The following XYLT1 variants were observed in gnomAD, a reference collection of about 807,000 sequenced individuals.
The protein encoded by XYLT1 is beta-D-xylosyltransferase 1.
Under a neutral mutation model 91.3 loss-of-function variants are expected in XYLT1, and 36 were observed. The observed-to-expected ratio is 0.39, with a 90% CI of 0.30 to 0.52. The LOEUF is 0.52. Ranked by LOEUF, XYLT1 falls within the 20% of genes least tolerant of loss-of-function variation. The pLI is 0.68. For missense variants in XYLT1, 1,242 were observed against 1,284.5 expected, an observed-to-expected ratio of 0.97 and a Z score of 0.51; for synonymous variants, 588 against 532.0, an observed-to-expected ratio of 1.11 and a Z score of -1.45.
chr16:17,140,933 G>C (rs886635994), intron 7 of XYLT1, among the ~76,000 whole-genome samples: 3 of 152,194 alleles, frequency 2.0e-5, no homozygotes, highest in Admixed American at 6.5e-5. Flanking sequence ...CAAAGACACT[G>C]TGTGGACTGC....
chr16:17,260,722 G>A (rs1159069464), intron 2 of XYLT1, among the ~76,000 whole-genome samples: 1 of 152,186 alleles, frequency 6.6e-6, no homozygotes, highest in Non-Finnish European at 1.5e-5. Context: ...TTTGTGTATT[G>A]TCCATGGCTG....
At chr16:17,138,117 T>TAATAATG in intron 8 of XYLT1, 1 of 465,596 alleles carries the variant, frequency 2.1e-6, no homozygotes, top group Non-Finnish European at 3.8e-6. Context: ...TAAAATGGAA[T>TAATAATG]AATAATGAAA....
intron 3 of XYLT1, among the ~76,000 whole-genome samples, chr16:17,219,895 G>A (rs146844815): frequency 6.6e-6 from 1 of 152,304 alleles, no homozygotes; most frequent in African/African-American, 2.4e-5. Flanking sequence ...GCAGGGCGTG[G>A]TGGTGCATGC....
chr16:17,172,983 AC>A (rs2031859638), intron 5 of XYLT1, among the ~76,000 whole-genome samples: 1 of 152,114 alleles, frequency 6.6e-6, no homozygotes, highest in Admixed American at 6.5e-5. Flanking sequence ...CAGGGGCAAT[AC>A]CTTAGTCCTG....
chr16:17,126,045 C>T (rs2030250238), intron 10 of XYLT1, among the ~76,000 whole-genome samples: 1 of 152,204 alleles, frequency 6.6e-6, no homozygotes, highest in African/African-American at 2.4e-5. Flanking sequence ...CAGAGTGGTC[C>T]TGTAGTTCTT....
intron 2 of XYLT1, among the ~76,000 whole-genome samples, chr16:17,279,778 A>C (rs1232359758): frequency 2.0e-5 from 3 of 152,214 alleles, no homozygotes; most frequent in East Asian, 3.8e-4. Flanking sequence ...AATTACAGCC[A>C]AGGCAAAATG....
chr16:17,190,494 T>C (rs762605570), intron 5 of XYLT1, among the ~76,000 whole-genome samples: 4 of 137,152 alleles, frequency 2.9e-5, no homozygotes, highest in Non-Finnish European at 6.1e-5. Context: ...CCACCCTGTG[T>C]CCAAGTGTTC....
At chr16:17,464,702 T>A (rs987594012) in intron 1 of XYLT1, among the ~76,000 whole-genome samples, 11 of 152,284 alleles carry the variant, frequency 7.2e-5, no homozygotes, top group African/African-American at 2.2e-4. Flanking sequence ...ATAACTGCCA[T>A]GCAGTCATTA....
intron 1 of XYLT1, among the ~76,000 whole-genome samples, chr16:17,361,738 T>C (rs898438514): frequency 5.9e-5 from 9 of 152,208 alleles, no homozygotes; most frequent in African/African-American, 2.2e-4. Context: ...CAACACAACA[T>C]GACAGGAAAT....
Position 17,285,015 on chromosome 16 carries a change from T to C in XYLT1, c.403-25517A>G, listed in dbSNP as rs1217689382. Among the ~76,000 whole-genome samples the C allele has an allele frequency of 2.0e-5, 3 of 152,258 alleles. No homozygotes were observed. The East Asian group carries it at 5.8e-4, about 29-fold the overall frequency. On this transcript the variant is annotated intron_variant, in intron 2 of 11. Coordinates refer to ENST00000261381, the MANE Select transcript of XYLT1 (RefSeq NM_022166.4). ...AGGAGAGCATGCCAGATCTGACTGA[T>C]GGATCCTGGAAGAGCCCACTCACCC...
intron 5 of XYLT1, chr16:17,192,882 G>T (rs1411339843): frequency 1.4e-5 from 2 of 146,940 alleles, no homozygotes; most frequent in African/African-American, 5.1e-5. Flanking sequence ...GTACGATCTC[G>T]GCTCATTGCA....
Position 17,165,766 on chromosome 16 carries a change from TC to T in XYLT1, c.1290-6858del, listed in dbSNP as rs572524965. Among the ~76,000 whole-genome samples, 210 of 152,274 alleles carry T rather than the reference TC, an allele frequency of 1.4e-3. 1 individual carries two copies. The highest frequency in any genetic ancestry group is 4.8e-3 in the African/African-American group (200 of 41,568). Reference sequence around the variant, plus strand: ...GGACACTTAGGTCATTTCCATTTTCTCCCCCTTACAACTACTGCTCCATTGA... The same window carrying T: ...GGACACTTAGGTCATTTCCATTTTCTCCCCTTACAACTACTGCTCCATTGA... On this transcript the variant is annotated intron_variant, in intron 5 of 11. Transcript: ENST00000261381.
chr16:17,322,100 T>C (rs2034732905), intron 2 of XYLT1, among the ~76,000 whole-genome samples: 1 of 152,214 alleles, frequency 6.6e-6, no homozygotes, highest in Non-Finnish European at 1.5e-5. Flanking sequence ...TGAGTTATCT[T>C]ACTTAACTCA....
intron 1 of XYLT1, among the ~76,000 whole-genome samples, chr16:17,361,853 G>C (rs537903223): frequency 6.6e-6 from 1 of 152,342 alleles, no homozygotes; most frequent in South Asian, 2.1e-4. Flanking sequence ...GTTCTGAACA[G>C]TTGAATACTA....
intron 2 of XYLT1, among the ~76,000 whole-genome samples, chr16:17,295,332 T>TTTTTG (rs1555495172): frequency 0.045 from 5,186 of 115,844 alleles, 124 homozygotes; most frequent in Non-Finnish European, 0.06. Context: ...TAGAGCCAGG[T>TTTTTG]TTTTGTTTTG....
intron 5 of XYLT1, among the ~76,000 whole-genome samples, chr16:17,186,738 G>A (rs900304709): frequency 6.6e-6 from 1 of 152,090 alleles, no homozygotes; most frequent in Admixed American, 6.6e-5. Flanking sequence ...GACGCATGAC[G>A]GGTGCTCAGG....
At chr16:17,183,989 C>T (rs2032125017) in intron 5 of XYLT1, among the ~76,000 whole-genome samples, 1 of 151,986 alleles carries the variant, frequency 6.6e-6, no homozygotes, top group Non-Finnish European at 1.5e-5. Flanking sequence ...CTCCAGATTG[C>T]CCTTGAAAAG....
intron 1 of XYLT1, among the ~76,000 whole-genome samples, chr16:17,408,448 T>C (rs916028209): frequency 6.6e-5 from 10 of 152,254 alleles, no homozygotes; most frequent in African/African-American, 2.2e-4. Context: ...TGCTCACTCC[T>C]AAATTTCCTA....
At chr16:17,124,892 C>A (rs1489637419) in intron 10 of XYLT1, among the ~76,000 whole-genome samples, 2 of 152,190 alleles carry the variant, frequency 1.3e-5, no homozygotes, top group Admixed American at 6.5e-5. Context: ...ATTGCTGAGA[C>A]TTTCCAGTGC....
Sources: gnomAD v4.1 joint callset for allele counts (sites outside exome capture counted in the v4.1 genomes callset) on GRCh38, gnomAD v4.1.1 for gene constraint, MANE v1.5 for transcripts, NCBI Gene and HGNC (gene_info 2026-07-23, HGNC 2026-07-21) for gene names.